PPP2R2C: variants seen among roughly 807,000 people sequenced by gnomAD.
PPP2R2C encodes protein phosphatase 2 regulatory subunit Bgamma, also known as protein phosphatase 2, regulatory subunit B, gamma.
A neutral mutation model predicts 45.3 loss-of-function variants in PPP2R2C; 10 were observed. The observed-to-expected ratio is 0.22, with a 90% CI of 0.14 to 0.37. The LOEUF (loss-of-function observed/expected upper bound fraction) is 0.37, where lower values mean the gene tolerates loss of function less well. Ranked by LOEUF, PPP2R2C falls within the 10% of genes least tolerant of loss-of-function variation. PPP2R2C has a pLI of 1.00. For missense variants in PPP2R2C, 308 were observed against 619.7 expected (o/e 0.50, Z 5.34); for synonymous variants, 257 against 245.4 (o/e 1.05, Z -0.44).
At chr4:6,394,011 T>C (rs1242254882) in intron 1 of PPP2R2C, among the ~76,000 whole-genome samples, 7 of 152,150 alleles carry the variant, frequency 4.6e-5, no homozygotes, top group African/African-American at 7.2e-5. Context: ...CGAGAGAAGA[T>C]CACATGCTCC....
intron 1 of PPP2R2C, among the ~76,000 whole-genome samples, chr4:6,459,813 AC>A (rs1365178311): frequency 6.6e-6 from 1 of 152,182 alleles, no homozygotes; most frequent in Non-Finnish European, 1.5e-5. Flanking sequence ...AGCAATTTTT[AC>A]CATAATATTG....
rs1356031034 is a variant in PPP2R2C, at chr4:6,345,235, A to C, written c.790+2611T>G. ...CTCTTCCCCAATATTCTCCCATTCC[A>C]TTCGGACCCAGACCTGGCTGTACAC... is the stretch of plus-strand genomic sequence containing the variant. On this transcript the variant is annotated intron_variant, in intron 6 of 8. Transcript: ENST00000382599. This position sits in a 1 kb window ranked among gnomAD's most constrained non-coding sequence, Gnocchi z 5.3. Among the ~76,000 whole-genome samples the C allele has an allele frequency of 6.6e-6, 1 of 152,106 alleles. No homozygotes were observed. The highest frequency in any genetic ancestry group is 1.9e-4 in the East Asian group (1 of 5,192).
At chr4:6,466,593 G>A (rs943186064) in intron 1 of PPP2R2C, among the ~76,000 whole-genome samples, 4 of 151,956 alleles carry the variant, frequency 2.6e-5, no homozygotes, top group African/African-American at 9.7e-5. Context: ...CCTCTGCTTG[G>A]TGGACTCACA....
intron 2 of PPP2R2C, among the ~76,000 whole-genome samples, chr4:6,514,617 G>A (rs759439921): frequency 6.6e-6 from 1 of 152,200 alleles, no homozygotes; most frequent in Non-Finnish European, 1.5e-5. Context: ...CAGACACCGG[G>A]TTCTGGAATA....
In PPP2R2C at chr4:6,547,972, C is replaced by T. The variant is rs187642852; in HGVS notation, c.-58-12595G>A. The stretch of plus-strand genomic sequence containing the variant: ...GTAGCTCACACCTGTAATCCCAGCA[C>T]TTTGGGAGGCCAAGGCAGGCAGATC... On this transcript the variant is annotated intron_variant, in intron 1 of 9. Transcript: ENST00000506140. Among the ~76,000 whole-genome samples, 408 of 152,280 alleles carry T rather than the reference C, an allele frequency of 2.7e-3. 2 individuals carry two copies. Among genetic ancestry groups the T allele is most frequent in the African/African-American group, 9.2e-3 (382 of 41,548 alleles).
intron 1 of PPP2R2C, among the ~76,000 whole-genome samples, chr4:6,432,649 T>C (rs186041568): frequency 3.0e-4 from 46 of 152,358 alleles, no homozygotes; most frequent in African/African-American, 1.1e-3. Context: ...ACAACACGCA[T>C]ACGCATTTCT....
intron 1 of PPP2R2C, among the ~76,000 whole-genome samples, chr4:6,432,583 C>T (rs1273356784): frequency 6.6e-6 from 1 of 152,170 alleles, no homozygotes; most frequent in Non-Finnish European, 1.5e-5. Context: ...TTGGACTGTA[C>T]AGTAATATGG....
At chr4:6,533,683 G>T (rs1433767697) in intron 2 of PPP2R2C, among the ~76,000 whole-genome samples, 2 of 152,184 alleles carry the variant, frequency 1.3e-5, no homozygotes, top group African/African-American at 4.8e-5. Context: ...TGAAGATGTT[G>T]TTTGTGCCTT....
Position 6,542,333 on chromosome 4 carries a change from C to T in PPP2R2C, c.-58-6956G>A, listed in dbSNP as rs76090385. ...CAAAAAGATTAATAAAGTCAACAAA[C>T]CTCCAACAACATTAACTAAGGAAGA... On this transcript the variant is annotated intron_variant, in intron 1 of 9. Transcript: ENST00000506140. Among the ~76,000 whole-genome samples, 314 of 152,354 alleles carry T rather than the reference C, an allele frequency of 2.1e-3. 1 individual carries two copies. Among genetic ancestry groups the T allele is most frequent in the African/African-American group, 7.4e-3 (308 of 41,576 alleles).
chr4:6,499,346 GC>G (rs1433997769), intron 2 of PPP2R2C, among the ~76,000 whole-genome samples: 5 of 152,092 alleles, frequency 3.3e-5, no homozygotes, highest in African/African-American at 7.2e-5. Flanking sequence ...GCGCAACCCT[GC>G]CCCCTTCAGC....
At chr4:6,469,390 G>A (rs907130107) in intron 1 of PPP2R2C, among the ~76,000 whole-genome samples, 13 of 152,174 alleles carry the variant, frequency 8.5e-5, no homozygotes, top group African/African-American at 3.1e-4. Context: ...GGTGTGGTGG[G>A]GGAGTGTAGA....
intron 1 of PPP2R2C, among the ~76,000 whole-genome samples, chr4:6,467,591 A>T (rs1305765309): frequency 1.3e-5 from 2 of 152,178 alleles, no homozygotes; most frequent in African/African-American, 2.4e-5. Context: ...AACAGAAAGC[A>T]AACAAAAATC....
intron 2 of PPP2R2C, among the ~76,000 whole-genome samples, chr4:6,531,120 C>A (rs746697893): frequency 6.6e-6 from 1 of 152,304 alleles, no homozygotes; most frequent in African/African-American, 2.4e-5. Flanking sequence ...GCAGCAAGGG[C>A]GGGTGGGGTT....
At chr4:6,325,634 T>C (rs1473201981) in intron 8 of PPP2R2C, among the ~76,000 whole-genome samples, 1 of 152,094 alleles carries the variant, frequency 6.6e-6, no homozygotes, top group Non-Finnish European at 1.5e-5. Context: ...CTCCCCCTGT[T>C]CGGGTGTGGA....
At chr4:6,496,231 C>CGG (rs201272680) in intron 2 of PPP2R2C, among the ~76,000 whole-genome samples, 2 of 152,022 alleles carry the variant, frequency 1.3e-5, no homozygotes, top group Non-Finnish European at 2.9e-5. Flanking sequence ...ACATATTTTG[C>CGG]GGGGGGGCAA....
intron 1 of PPP2R2C, among the ~76,000 whole-genome samples, chr4:6,545,899 G>C (rs1292918392): frequency 6.6e-6 from 1 of 152,158 alleles, no homozygotes; most frequent in South Asian, 2.1e-4. Context: ...AGCTACAAAG[G>C]GTTGTGGGAA....
At chr4:6,537,778 C>T (rs1046005503) in intron 1 of PPP2R2C, among the ~76,000 whole-genome samples, 6 of 152,108 alleles carry the variant, frequency 3.9e-5, no homozygotes, top group African/African-American at 1.4e-4. Context: ...TCTCGGTCTC[C>T]TGACCTCGTG....
chr4:6,516,325 G>A (rs891835248), intron 2 of PPP2R2C, among the ~76,000 whole-genome samples: 1 of 152,222 alleles, frequency 6.6e-6, no homozygotes, highest in South Asian at 2.1e-4. Context: ...CCTGAAAAGA[G>A]GATGATGACA....
intron 1 of PPP2R2C, among the ~76,000 whole-genome samples, chr4:6,543,122 C>T (rs1724860348): frequency 6.6e-6 from 1 of 152,236 alleles, no homozygotes; most frequent in South Asian, 2.1e-4. Flanking sequence ...GGATCGCCTC[C>T]TGTGACTGGG....
Sources: gnomAD v4.1 joint callset for allele counts (sites outside exome capture counted in the v4.1 genomes callset) on GRCh38, gnomAD v4.1.1 for gene constraint, Gnocchi (gnomAD v3.1) non-coding constraint, MANE v1.5 for transcripts, NCBI Gene and HGNC (gene_info 2026-07-23, HGNC 2026-07-21) for gene names.